CLSTN2: variants seen among roughly 807,000 people sequenced by gnomAD.
CLSTN2 encodes the protein calsyntenin 2.
Under a neutral mutation model 101.2 loss-of-function variants are expected in CLSTN2, and 48 were observed. The ratio of observed to expected loss-of-function variants is 0.47; its 90% confidence interval spans 0.38 to 0.60. CLSTN2 has a LOEUF of 0.60. Ranked by LOEUF, CLSTN2 falls within the 20% of genes least tolerant of loss-of-function variation. The pLI, the probability that CLSTN2 is intolerant of heterozygous loss-of-function variation, is 0.00. For synonymous variants in CLSTN2, 481 were observed against 463.6 expected, an observed-to-expected ratio of 1.04 and a Z score of -0.48; for missense variants, 1,160 against 1,238.2, an observed-to-expected ratio of 0.94 and a Z score of 0.95.
intron 1 of CLSTN2, among the ~76,000 whole-genome samples, chr3:140,042,987 A>T (rs1194685336): frequency 6.6e-6 from 1 of 152,046 alleles, no homozygotes; most frequent in African/African-American, 2.4e-5. Flanking sequence ...TAAACATACG[A>T]GTGCATGTGT....
intron 4 of CLSTN2, among the ~76,000 whole-genome samples, chr3:140,419,358 C>T (rs1376345777): frequency 1.4e-5 from 2 of 147,328 alleles, no homozygotes; most frequent in Admixed American, 6.8e-5. Context: ...TGGCATATAC[C>T]TATAGTCCCA....
At chr3:140,142,835 G>A (rs2009721475) in intron 1 of CLSTN2, among the ~76,000 whole-genome samples, 1 of 152,132 alleles carries the variant, frequency 6.6e-6, no homozygotes, top group Non-Finnish European at 1.5e-5. Context: ...TGTAAAATTA[G>A]AATAACAGCA....
chr3:140,395,359 A>T (rs771529482), intron 2 of CLSTN2, among the ~76,000 whole-genome samples: 1 of 152,204 alleles, frequency 6.6e-6, no homozygotes, highest in Non-Finnish European at 1.5e-5. Context: ...AAAAGTAGAT[A>T]GACCTTTATA....
chr3:140,516,550 A>C (rs200115729), intron 8 of CLSTN2, among the ~76,000 whole-genome samples: 1 of 142,798 alleles, frequency 7.0e-6, no homozygotes, highest in East Asian at 2.0e-4. Flanking sequence ...TTCTTTTGGC[A>C]TTTTTTTTTT....
chr3:140,370,198 T>TG (rs1245474208), intron 2 of CLSTN2, among the ~76,000 whole-genome samples: 2 of 152,166 alleles, frequency 1.3e-5, no homozygotes, highest in Non-Finnish European at 2.9e-5. Context: ...CTGCTTCAAT[T>TG]ACTCACCATT....
chr3:140,061,379 G>A (rs548524740), intron 1 of CLSTN2, among the ~76,000 whole-genome samples: 1 of 152,308 alleles, frequency 6.6e-6, no homozygotes, highest in South Asian at 2.1e-4. Flanking sequence ...GCCCAGTACT[G>A]CAGTCTCAAT....
chr3:140,435,721 G>A (rs58869255), intron 5 of CLSTN2, among the ~76,000 whole-genome samples: 4,352 of 152,076 alleles, frequency 0.029, 198 homozygotes, highest in African/African-American at 0.098. Flanking sequence ...CCACATCCTC[G>A]CTAGCATTTG....
At chr3:140,287,389 T>A (rs2086904999) in intron 2 of CLSTN2, among the ~76,000 whole-genome samples, 1 of 151,906 alleles carries the variant, frequency 6.6e-6, no homozygotes, top group Non-Finnish European at 1.5e-5. Flanking sequence ...CATGGAAGGG[T>A]GGATTGTACA....
At chr3:140,483,689 A>G (rs1276523031) in intron 8 of CLSTN2, among the ~76,000 whole-genome samples, 5 of 152,008 alleles carry the variant, frequency 3.3e-5, no homozygotes, top group Admixed American at 3.3e-4. Flanking sequence ...TCCCTTTACC[A>G]TTATGTAATG....
In CLSTN2 at chr3:140,424,575, G is replaced by A. The variant is rs546521880; in HGVS notation, c.787+3301G>A. Among the ~76,000 whole-genome samples, 3 of 152,262 alleles carry A rather than the reference G, an allele frequency of 2.0e-5. No homozygotes were observed. In the East Asian group the frequency reaches 5.8e-4, roughly 29 times the overall value. On this transcript the variant is annotated intron_variant, in intron 5 of 16. Transcript: ENST00000458420. ...AACTGGTCTGAGTTGTATATCTCTT[G>A]TCCTGCCCCTTCTCCCAGCTGTGTA...
chr3:140,154,611 G>A (rs1240732039), intron 1 of CLSTN2, among the ~76,000 whole-genome samples: 3 of 149,948 alleles, frequency 2.0e-5, no homozygotes, highest in East Asian at 4.0e-4. Context: ...TTAAATGGTA[G>A]CAGGAGAGAG....
chr3:140,261,195 A>T (rs2086651175), intron 2 of CLSTN2, among the ~76,000 whole-genome samples: 1 of 151,172 alleles, frequency 6.6e-6, no homozygotes, highest in Admixed American at 6.6e-5. Context: ...GAATATTTAC[A>T]TAAATTATTT....
At chr3:140,067,316 A>G (rs1335210543) in intron 1 of CLSTN2, among the ~76,000 whole-genome samples, 1 of 152,174 alleles carries the variant, frequency 6.6e-6, no homozygotes, top group East Asian at 1.9e-4. Flanking sequence ...TAATTCTCTG[A>G]AACTGCAAAA....
chr3:140,500,560 GTGT>G (rs1426041802), intron 8 of CLSTN2, among the ~76,000 whole-genome samples: 1 of 152,182 alleles, frequency 6.6e-6, no homozygotes, highest in Non-Finnish European at 1.5e-5. Flanking sequence ...TGTTTGATTA[GTGT>G]TGTGTTTTTA....
chr3:140,084,041 A>G (rs2008640768), intron 1 of CLSTN2, among the ~76,000 whole-genome samples: 1 of 152,238 alleles, frequency 6.6e-6, no homozygotes, highest in South Asian at 2.1e-4. Context: ...TTTACCAAAG[A>G]AAAGTAGTAG....
intron 7 of CLSTN2, among the ~76,000 whole-genome samples, chr3:140,461,939 T>TA (rs200151531): frequency 0.02 from 3,005 of 146,656 alleles, 52 homozygotes; most frequent in African/African-American, 0.029. Context: ...CATCCTAAAT[T>TA]AAAAAAAAAA....
intron 2 of CLSTN2, among the ~76,000 whole-genome samples, chr3:140,321,386 T>C (rs1391184243): frequency 2.0e-5 from 3 of 152,142 alleles, no homozygotes; most frequent in African/African-American, 4.8e-5. Context: ...CAGGTGAGCA[T>C]GTGTCCCTCA....
intron 4 of CLSTN2, among the ~76,000 whole-genome samples, chr3:140,412,143 G>A (rs888868193): frequency 6.6e-6 from 1 of 152,142 alleles, no homozygotes; most frequent in Non-Finnish European, 1.5e-5. Context: ...AGCCTCCCGA[G>A]TAGCTGGGAT....
intron 1 of CLSTN2, among the ~76,000 whole-genome samples, chr3:140,101,625 TTCCAAG>T (rs1162420006): frequency 4.6e-5 from 7 of 152,264 alleles, no homozygotes; most frequent in Non-Finnish European, 2.9e-5. Context: ...ACAAATGACC[TTCCAAG>T]TCTCAATGGT....
Sources: gnomAD v4.1 joint callset for allele counts (sites outside exome capture counted in the v4.1 genomes callset) on GRCh38, gnomAD v4.1.1 for gene constraint, MANE v1.5 for transcripts, NCBI Gene and HGNC (gene_info 2026-07-23, HGNC 2026-07-21) for gene names.